ADGRL3: variants seen among roughly 807,000 people sequenced by gnomAD.
ADGRL3 encodes the protein calcium-independent alpha-latrotoxin receptor 3.
ADGRL3 carries 62 observed loss-of-function variants against 153.5 expected under a neutral mutation model. The ratio of observed to expected loss-of-function variants is 0.40; its 90% confidence interval spans 0.33 to 0.50. The LOEUF (loss-of-function observed/expected upper bound fraction) is 0.50. Ranked by LOEUF, ADGRL3 falls within the 20% of genes least tolerant of loss-of-function variation. The pLI is 0.47. For missense variants in ADGRL3, 1,641 were observed against 1,859.4 expected (o/e 0.88, Z 2.16); for synonymous variants, 710 against 672.5 (o/e 1.06, Z -0.86).
chr4:61,857,328 A>G (rs1407977606), intron 9 of ADGRL3, among the ~76,000 whole-genome samples: 3 of 152,218 alleles, frequency 2.0e-5, no homozygotes, highest in Non-Finnish European at 1.5e-5. Context: ...TCAGGTTGTA[A>G]TGGGCTTTGT....
rs376942108 is a variant in ADGRL3 at position 61,593,027 on chromosome 4, T to C, written c.473+5587T>C. On this transcript the variant is annotated intron_variant, in intron 5 of 26. Coordinates refer to ENST00000683033, the MANE Select transcript of ADGRL3 (RefSeq NM_001387552.1). ...ATCCATTGCATGTTTTTCATAAGGT[T>C]ACCATGAGGCTTACAAACACTATCT... Among the ~76,000 whole-genome samples, 13 of 152,282 alleles carry C rather than the reference T, an allele frequency of 8.5e-5. 1 individual carries two copies. The highest frequency in any genetic ancestry group is 3.1e-4 in the African/African-American group (13 of 41,580).
At chr4:61,484,069 C>T (rs1239344732) in intron 2 of ADGRL3, among the ~76,000 whole-genome samples, 1 of 151,884 alleles carries the variant, frequency 6.6e-6, no homozygotes, top group Non-Finnish European at 1.5e-5. Context: ...GGTCCTATCA[C>T]TTGGAAATTC....
intron 9 of ADGRL3, among the ~76,000 whole-genome samples, chr4:61,840,297 C>T (rs2098010055): frequency 6.6e-6 from 1 of 152,118 alleles, no homozygotes; most frequent in African/African-American, 2.4e-5. Context: ...CCAGTGTGGT[C>T]TCGAACTCCT....
intron 9 of ADGRL3, among the ~76,000 whole-genome samples, chr4:61,842,388 G>C (rs1561340465): frequency 6.6e-6 from 1 of 152,034 alleles, no homozygotes; most frequent in Admixed American, 6.6e-5. Flanking sequence ...TAGCGTACAA[G>C]ATATTTAATT....
At chr4:61,362,266 G>T (rs1036061094) in intron 1 of ADGRL3, among the ~76,000 whole-genome samples, 4 of 151,152 alleles carry the variant, frequency 2.6e-5, no homozygotes, top group Non-Finnish European at 4.4e-5. Context: ...GCCTCCCAAA[G>T]TGCTGGGATA....
chr4:62,050,160 CA>C (rs935422080), intron 25 of ADGRL3, among the ~76,000 whole-genome samples: 4 of 151,578 alleles, frequency 2.6e-5, no homozygotes, highest in Non-Finnish European at 4.4e-5. Context: ...TGGAGGCTAA[CA>C]AAAAAATAAA....
chr4:61,866,855 G>T (rs1276733530), intron 9 of ADGRL3, among the ~76,000 whole-genome samples: 1 of 152,122 alleles, frequency 6.6e-6, no homozygotes, highest in East Asian at 1.9e-4. Flanking sequence ...AATCCTCCAT[G>T]TGCTTGTTGA....
chr4:61,816,276 A>G (rs1199580655), intron 9 of ADGRL3, among the ~76,000 whole-genome samples: 1 of 152,220 alleles, frequency 6.6e-6, no homozygotes, highest in Non-Finnish European at 1.5e-5. Flanking sequence ...TTTGAGAGTT[A>G]GCCAATGTCC....
intron 1 of ADGRL3, among the ~76,000 whole-genome samples, chr4:61,306,206 T>A (rs111338675): frequency 1.1e-4 from 16 of 152,068 alleles, no homozygotes; most frequent in African/African-American, 3.6e-4. Flanking sequence ...CACGCCATTC[T>A]CCTGCCTCAG....
At chr4:61,613,724 A>G (rs1178495192) in intron 5 of ADGRL3, among the ~76,000 whole-genome samples, 2 of 152,230 alleles carry the variant, frequency 1.3e-5, no homozygotes, top group African/African-American at 4.8e-5. Flanking sequence ...AGCCTGGGTG[A>G]CAGAGCTAGA....
intron 15 of ADGRL3, among the ~76,000 whole-genome samples, chr4:61,939,710 T>G (rs2098869492): frequency 6.6e-6 from 1 of 151,984 alleles, no homozygotes; most frequent in Non-Finnish European, 1.5e-5. Context: ...CTTCGTGATC[T>G]GCCCGCCTCA....
chr4:61,845,222 C>G (rs2098101007), intron 9 of ADGRL3, among the ~76,000 whole-genome samples: 1 of 152,226 alleles, frequency 6.6e-6, no homozygotes, highest in South Asian at 2.1e-4. Flanking sequence ...CTTTTGGGGA[C>G]AATCTCTTAT....
intron 6 of ADGRL3, among the ~76,000 whole-genome samples, chr4:61,726,179 A>G (rs1265320327): frequency 9.4e-6 from 1 of 106,940 alleles, no homozygotes; most frequent in East Asian, 2.9e-4. Context: ...CATGATGCTC[A>G]AGGGAAATAC....
At chr4:61,329,805 G>C (rs1005964168) in intron 1 of ADGRL3, among the ~76,000 whole-genome samples, 4 of 152,172 alleles carry the variant, frequency 2.6e-5, no homozygotes, top group African/African-American at 9.6e-5. Context: ...AAACAATGCT[G>C]TGGAATAACT....
intron 8 of ADGRL3, among the ~76,000 whole-genome samples, chr4:61,741,731 A>G (rs1220798170): frequency 6.6e-6 from 1 of 152,262 alleles, no homozygotes; most frequent in Non-Finnish European, 1.5e-5. Flanking sequence ...GTACAAAGCA[A>G]AGCTGAACTT....
chr4:61,929,718 A>G (rs916967853), intron 13 of ADGRL3, among the ~76,000 whole-genome samples: 1 of 152,194 alleles, frequency 6.6e-6, no homozygotes, highest in Non-Finnish European at 1.5e-5. Context: ...AACAAATATG[A>G]GACATCTTTA....
intron 2 of ADGRL3, among the ~76,000 whole-genome samples, chr4:61,494,461 A>T (rs2098291531): frequency 6.6e-6 from 1 of 152,210 alleles, no homozygotes; most frequent in Non-Finnish European, 1.5e-5. Flanking sequence ...GTCCACTTCA[A>T]TATCCCTCTT....
chr4:61,657,449 T>C (rs2150505124), intron 5 of ADGRL3, among the ~76,000 whole-genome samples: 2 of 152,286 alleles, frequency 1.3e-5, no homozygotes, highest in Non-Finnish European at 2.9e-5. Context: ...GTTCAAAATA[T>C]ATTGTCAATC....
chr4:61,624,848 C>T (rs1405990771), intron 5 of ADGRL3, among the ~76,000 whole-genome samples: 1 of 151,952 alleles, frequency 6.6e-6, no homozygotes, highest in African/African-American at 2.4e-5. Flanking sequence ...AAACTACCCC[C>T]AAAAGCAGCT....
Sources: gnomAD v4.1 joint callset for allele counts (sites outside exome capture counted in the v4.1 genomes callset) on GRCh38, gnomAD v4.1.1 for gene constraint, MANE v1.5 for transcripts, NCBI Gene and HGNC (gene_info 2026-07-23, HGNC 2026-07-21) for gene names.